The following EPHB2 variants were observed in gnomAD, a reference collection of about 807,000 sequenced individuals.
The protein encoded by EPHB2 is EPH receptor B2, also known as ephrin type-B receptor 2.
A neutral mutation model predicts 96.4 loss-of-function variants in EPHB2; 18 were observed. That is an observed-to-expected ratio of 0.19 (90% CI 0.13 to 0.28). The LOEUF (loss-of-function observed/expected upper bound fraction) is 0.28, where lower values mean the gene tolerates loss of function less well. EPHB2 is among the 10% of genes least tolerant of loss of function. EPHB2 has a pLI of 1.00. For missense variants in EPHB2, 989 were observed against 1,355.4 expected, an observed-to-expected ratio of 0.73 and a Z score of 4.25; for synonymous variants, 506 against 534.1, an observed-to-expected ratio of 0.95 and a Z score of 0.72.
chr1:22,767,776 C>T (rs535892546), intron 1 of EPHB2, among the ~76,000 whole-genome samples: 11 of 152,322 alleles, frequency 7.2e-5, no homozygotes, highest in Admixed American at 2.0e-4. Flanking sequence ...AGGGCCCCAC[C>T]AGCCCCCATT....
intron 6 of EPHB2, chr1:22,891,295 G>T (rs1160236580): frequency 1.2e-5 from 5 of 432,292 alleles, no homozygotes; most frequent in Non-Finnish European, 2.3e-5. Flanking sequence ...TTTTGGGAAG[G>T]TTTTCAAGGG....
At chr1:22,821,228 C>T (rs1645148038) in intron 3 of EPHB2, among the ~76,000 whole-genome samples, 1 of 152,200 alleles carries the variant, frequency 6.6e-6, no homozygotes, top group South Asian at 2.1e-4. Flanking sequence ...CTGCTAACAT[C>T]TCATCAGCCA....
Position 22,858,517 on chromosome 1 carries a change from A to G in EPHB2, c.812-4520A>G, listed in dbSNP as rs1349734921. 6.6e-6 allele frequency among the ~76,000 whole-genome samples: 1 copy of G among 152,114 alleles called. No individual in the cohort carries two copies. The highest frequency in any genetic ancestry group is 1.5e-5 in the Non-Finnish European group (1 of 68,020). ...ATGAGGAGACTGAGTTTCAAAGGGGAGGAGGCCTTCCCAAGCCCACACGCC... is the reference window on the plus strand; with the variant it reads ...ATGAGGAGACTGAGTTTCAAAGGGGGGGAGGCCTTCCCAAGCCCACACGCC... On this transcript the variant is annotated intron_variant, in intron 3 of 15. Transcript: ENST00000374630. This position sits in a 1 kb window ranked among gnomAD's most constrained non-coding sequence, Gnocchi z 7.7.
intron 1 of EPHB2, among the ~76,000 whole-genome samples, chr1:22,731,269 G>T (rs1643704367): frequency 6.6e-6 from 1 of 152,172 alleles, no homozygotes; most frequent in Non-Finnish European, 1.5e-5. Flanking sequence ...GAAGAGCCTG[G>T]CCCGGGCCCA....
At chr1:22,884,231 C>CG in intron 6 of EPHB2, among the ~76,000 whole-genome samples, 1 of 152,322 alleles carries the variant, frequency 6.6e-6, no homozygotes, top group Non-Finnish European at 1.5e-5. Flanking sequence ...ACTGGCTGGG[C>CG]GCGGTGGCTC....
At chr1:22,775,995 T>TA (rs1482333029) in intron 1 of EPHB2, among the ~76,000 whole-genome samples, 2 of 151,564 alleles carry the variant, frequency 1.3e-5, no homozygotes, top group Non-Finnish European at 2.9e-5. Flanking sequence ...GAGTGGGAGG[T>TA]GGGTGGTACC....
intron 3 of EPHB2, among the ~76,000 whole-genome samples, chr1:22,835,554 G>A (rs144627975): frequency 3.0e-3 from 459 of 152,326 alleles, no homozygotes; most frequent in Non-Finnish European, 5.0e-3. Context: ...CATGCATGTG[G>A]GCATGCTTTC....
intron 3 of EPHB2, among the ~76,000 whole-genome samples, chr1:22,819,020 C>T (rs565582802): frequency 1.9e-4 from 29 of 151,674 alleles, no homozygotes; most frequent in African/African-American, 6.3e-4. Flanking sequence ...CTTCCTGGCT[C>T]ACTGGGGGCA....
chr1:22,838,437 C>T (rs776069608), intron 3 of EPHB2, among the ~76,000 whole-genome samples: 5 of 152,230 alleles, frequency 3.3e-5, no homozygotes, highest in African/African-American at 7.2e-5. Flanking sequence ...CCTGGGCATG[C>T]GCTTTTGCTT....
chr1:22,860,066 G>A lies in EPHB2; in HGVS notation c.812-2971G>A, dbSNP rs1195307628. On this transcript the variant is annotated intron_variant, in intron 3 of 15. Coordinates refer to ENST00000374630, the MANE Select transcript of EPHB2 (RefSeq NM_017449.5). The surrounding 1 kb of genome is among the most constrained non-coding windows in gnomAD (Gnocchi z 4.6). ...CTTTCACTGAGCACGATGTGTCCAG[G>A]GTTCACCTGTACCGTAGCATGTGTC... Among the ~76,000 whole-genome samples the A allele has an allele frequency of 6.6e-6, 1 of 152,156 alleles. No individual in the cohort carries two copies. The highest frequency in any genetic ancestry group is 1.5e-5 in the Non-Finnish European group (1 of 68,030).
At chr1:22,735,438 CAAA>C (rs71878649) in intron 1 of EPHB2, among the ~76,000 whole-genome samples, 3 of 138,076 alleles carry the variant, frequency 2.2e-5, no homozygotes, top group African/African-American at 2.7e-5. Context: ...GACCCGGTAT[CAAA>C]AAAAAAAAAA....
At chr1:22,837,857 G>A (rs971644045) in intron 3 of EPHB2, among the ~76,000 whole-genome samples, 2 of 152,164 alleles carry the variant, frequency 1.3e-5, no homozygotes, top group Admixed American at 6.5e-5. Context: ...CAGGAAGACC[G>A]AGGATGCCTG....
chr1:22,737,289 C>T (rs555395610), intron 1 of EPHB2, among the ~76,000 whole-genome samples: 1 of 152,266 alleles, frequency 6.6e-6, no homozygotes, highest in South Asian at 2.1e-4. Context: ...TAAACTGCAG[C>T]TGAGACCACA....
intron 9 of EPHB2, among the ~76,000 whole-genome samples, chr1:22,902,626 G>A (rs1639786116): frequency 6.6e-6 from 1 of 152,148 alleles, no homozygotes; most frequent in South Asian, 2.1e-4. Flanking sequence ...TTTACTTATT[G>A]GGCACCCACT....
intron 3 of EPHB2, among the ~76,000 whole-genome samples, chr1:22,839,485 G>A (rs902307409): frequency 6.6e-6 from 1 of 152,164 alleles, no homozygotes; most frequent in African/African-American, 2.4e-5. Flanking sequence ...AAAGTCAAAG[G>A]GGAAGTAATT....
At chr1:22,856,256 C>A (rs558399494) in intron 3 of EPHB2, among the ~76,000 whole-genome samples, 1 of 152,210 alleles carries the variant, frequency 6.6e-6, no homozygotes, top group Non-Finnish European at 1.5e-5. Flanking sequence ...AGTCCTGCCT[C>A]GGCCTGACTC....
intron 6 of EPHB2, among the ~76,000 whole-genome samples, chr1:22,885,788 G>A (rs893142065): frequency 6.6e-6 from 1 of 152,202 alleles, no homozygotes; most frequent in African/African-American, 2.4e-5. Flanking sequence ...GGGGTCAGGT[G>A]GTAAGAGGCT....
At chr1:22,818,862 C>T (rs1049918764) in intron 3 of EPHB2, among the ~76,000 whole-genome samples, 4 of 152,216 alleles carry the variant, frequency 2.6e-5, no homozygotes, top group Non-Finnish European at 4.4e-5. Flanking sequence ...CATGCCTCCC[C>T]TGTCACTCTG....
At chr1:22,912,399 C>T in intron 14 of EPHB2, 45 bp from the exon 15 acceptor site, 6 of 1,612,534 alleles carry the variant, frequency 3.7e-6, no homozygotes, top group Non-Finnish European at 5.1e-6. Context: ...ACGCTCCCTG[C>T]AAACAGGTGC....
Sources: allele counts gnomAD v4.1 joint callset (sites outside exome capture counted in the v4.1 genomes callset), GRCh38; gene constraint gnomAD v4.1.1; non-coding constraint Gnocchi (gnomAD v3.1); transcripts MANE v1.5; gene names NCBI Gene and HGNC (gene_info 2026-07-23, HGNC 2026-07-21).